The following MYO16 variants were observed in gnomAD, a reference collection of about 807,000 sequenced individuals.
The protein encoded by MYO16 is myosin XVI, also known as unconventional myosin-XVI.
In MYO16, 94 loss-of-function variants were observed where a neutral mutation model predicts 205.3. That is an observed-to-expected ratio of 0.46 (90% CI 0.39 to 0.54). The LOEUF is 0.54. MYO16 is among the 20% of genes least tolerant of loss of function. The pLI, the probability that MYO16 is intolerant of heterozygous loss-of-function variation, is 0.00. For synonymous variants in MYO16, 988 were observed against 954.0 expected, an observed-to-expected ratio of 1.04 and a Z score of -0.66; for missense variants, 2,315 against 2,387.5, an observed-to-expected ratio of 0.97 and a Z score of 0.63.
intron 3 of MYO16, among the ~76,000 whole-genome samples, chr13:108,726,839 T>C (rs1372173649): frequency 6.6e-6 from 1 of 152,014 alleles, no homozygotes; most frequent in African/African-American, 2.4e-5. Context: ...TTATTGAACA[T>C]ATATAAAATG....
chr13:109,119,187 A>G (rs1875866036), intron 28 of MYO16, among the ~76,000 whole-genome samples: 1 of 152,186 alleles, frequency 6.6e-6, no homozygotes, highest in Admixed American at 6.5e-5. Flanking sequence ...TCTGAAGACA[A>G]GTCTGACCTA....
intron 1 of MYO16, 39 bp from the exon 2 acceptor site, chr13:108,665,847 A>G: frequency 1.1e-5 from 17 of 1,589,900 alleles, no homozygotes; most frequent in Non-Finnish European, 1.4e-5. Flanking sequence ...AGTGGTTATA[A>G]TAATAGGTCT....
At chr13:108,542,027 C>T in the MYO16 span, among the ~76,000 whole-genome samples, 2 of 152,130 alleles carry the variant, frequency 1.3e-5, no homozygotes, top group Non-Finnish European at 2.9e-5. Flanking sequence ...TTCATTGCAG[C>T]ACTATTGACA....
chr13:108,527,250 T>A, the MYO16 span, among the ~76,000 whole-genome samples: 1 of 151,358 alleles, frequency 6.6e-6, no homozygotes, highest in East Asian at 1.9e-4. Context: ...ATAGGAAGGG[T>A]TTTTTTTTCT....
chr13:109,105,577 A>G (rs1889101349), intron 28 of MYO16, among the ~76,000 whole-genome samples: 1 of 152,238 alleles, frequency 6.6e-6, no homozygotes. Flanking sequence ...ACATGTATTA[A>G]TGCATTAATT....
chr13:109,064,942 A>T (rs1887699024), intron 27 of MYO16, among the ~76,000 whole-genome samples: 1 of 152,136 alleles, frequency 6.6e-6, no homozygotes, highest in Non-Finnish European at 1.5e-5. Flanking sequence ...ACAGCCATAT[A>T]TTTTTTTCTC....
intron 6 of MYO16, among the ~76,000 whole-genome samples, chr13:108,800,212 C>T (rs1886928907): frequency 1.3e-5 from 2 of 152,190 alleles, no homozygotes; most frequent in African/African-American, 4.8e-5. Flanking sequence ...AAAAGCCCAT[C>T]TCTTGCCGTT....
intron 9 of MYO16, among the ~76,000 whole-genome samples, chr13:108,827,072 C>T (rs1293463384): frequency 6.6e-6 from 1 of 152,066 alleles, no homozygotes; most frequent in Non-Finnish European, 1.5e-5. Flanking sequence ...TATATGTCTA[C>T]ACAAAAACCT....
chr13:109,126,483 CAGA>C (rs1007424349), intron 30 of MYO16, among the ~76,000 whole-genome samples: 15 of 152,140 alleles, frequency 9.9e-5, no homozygotes, highest in African/African-American at 3.6e-4. Context: ...CATGCGAAGC[CAGA>C]AGAAGTTTTT....
intron 6 of MYO16, among the ~76,000 whole-genome samples, chr13:108,803,724 C>T (rs1337150934): frequency 1.3e-5 from 2 of 152,054 alleles, no homozygotes; most frequent in Non-Finnish European, 2.9e-5. Flanking sequence ...CTGAAAAACA[C>T]TAAGACTTGG....
At chr13:108,769,784 G>C (rs953240422) in intron 4 of MYO16, among the ~76,000 whole-genome samples, 2 of 152,158 alleles carry the variant, frequency 1.3e-5, no homozygotes, top group Non-Finnish European at 2.9e-5. Context: ...GAGAAATCAA[G>C]AATTTCCTTA....
intron 6 of MYO16, 109 bp from the exon 7 acceptor site, chr13:108,806,570 G>C: frequency 1.1e-6 from 1 of 879,428 alleles, no homozygotes; most frequent in Non-Finnish European, 1.7e-6. Flanking sequence ...TATGGTCTCT[G>C]TATTTTAGAT....
At chr13:109,169,350 G>T (rs575251280) in intron 33 of MYO16, among the ~76,000 whole-genome samples, 1 of 143,170 alleles carries the variant, frequency 7.0e-6, no homozygotes, top group South Asian at 2.2e-4. Flanking sequence ...AAGAACATAA[G>T]TTATTGAAAT....
chr13:108,948,616 A>G (rs991236298), intron 16 of MYO16, among the ~76,000 whole-genome samples: 24 of 152,328 alleles, frequency 1.6e-4, no homozygotes, highest in Admixed American at 1.5e-3. Flanking sequence ...CAAACAGTCA[A>G]TGTTTGTATT....
intron 33 of MYO16, chr13:109,166,927 G>C (rs1484921119): frequency 6.6e-6 from 1 of 152,170 alleles, no homozygotes; most frequent in Admixed American, 6.5e-5. Context: ...TTTGGTTTAA[G>C]GTCCCCCATG....
At chr13:108,886,011 T>C (rs544716851) in intron 13 of MYO16, among the ~76,000 whole-genome samples, 2 of 152,120 alleles carry the variant, frequency 1.3e-5, no homozygotes, top group Admixed American at 6.5e-5. Context: ...TATGGAGTCT[T>C]GAGTCTCGCT....
chr13:108,649,663 C>T (rs1880912232), intron 1 of MYO16, among the ~76,000 whole-genome samples: 1 of 152,130 alleles, frequency 6.6e-6, no homozygotes, highest in Admixed American at 6.5e-5. Flanking sequence ...TATTTGTATA[C>T]CATTATTCTG....
chr13:108,598,692 A>C lies in MYO16; in HGVS notation c.-39+2453A>C, dbSNP rs150779302. ...AATTCTTATGTGATTTGTAAGGATG[A>C]GTATGATCTCCTCTCGCACCATTTT... On this transcript the variant is annotated intron_variant, in intron 1 of 24. Coordinates refer to the MYO16 transcript ENST00000251041. Among the ~76,000 whole-genome samples the C allele has an allele frequency of 3.9e-4, 60 of 152,312 alleles. No homozygotes were observed. In the East Asian group the frequency reaches 0.01, roughly 25 times the overall value.
chr13:109,113,342 AGAAG>A (rs111306174), intron 28 of MYO16, among the ~76,000 whole-genome samples: 94,794 of 150,456 alleles, frequency 0.63, 29,938 homozygotes, highest in East Asian at 0.71. Context: ...AGGAAGGAAA[AGAAG>A]GAAGGAAGAG....
Sources: gnomAD v4.1 joint callset for allele counts (sites outside exome capture counted in the v4.1 genomes callset) on GRCh38, gnomAD v4.1.1 for gene constraint, MANE v1.5 for transcripts, NCBI Gene and HGNC (gene_info 2026-07-23, HGNC 2026-07-21) for gene names.